The following ZNF469 variants were observed in gnomAD, a reference collection of about 807,000 sequenced individuals.
ZNF469 encodes the protein zinc finger protein 469.
A neutral mutation model predicts 1.0 loss-of-function variants in ZNF469; 1 was observed. The observed-to-expected ratio is 1.00, with a 90% CI of 0.35 to 4.73. ZNF469 has a LOEUF of 4.73. Among genes scored for constraint, ZNF469 ranks in the 30% most tolerant of loss-of-function variants. The pLI, the probability that ZNF469 is intolerant of heterozygous loss-of-function variation, is 0.16. For missense variants in ZNF469, 6,100 were observed against 5,356.3 expected (o/e 1.14, Z -4.33); for synonymous variants, 2,703 against 2,363.4 (o/e 1.14, Z -4.17).
chr16:88,122,262 CTG>C, the ZNF469 span, among the ~76,000 whole-genome samples: 26 of 150,780 alleles, frequency 1.7e-4, no homozygotes, highest in Non-Finnish European at 1.2e-4. Flanking sequence ...GGCAGCCACT[CTG>C]ATCACACCCC....
the ZNF469 span, among the ~76,000 whole-genome samples, chr16:88,329,310 G>A: frequency 6.6e-6 from 1 of 152,250 alleles, no homozygotes; most frequent in Non-Finnish European, 1.5e-5. Flanking sequence ...TGGAAGGAAA[G>A]GCCTGGGTTA....
Position 88,439,180 on chromosome 16 carries a change from C to G in ZNF469, c.11710C>G (p.Pro3904Ala). Residue 3904 changes from proline (P) to alanine (A), a missense_variant, in exon 3 of 3, where the codon CCC (proline) becomes GCC (alanine). Physicochemically the swap from Pro to Ala is conservative, Grantham distance 27. Transcript: ENST00000565624. Reference protein sequence around the residue: ...AFPQGRPLLRPPKRGTAVHGA... With the variant: ...AFPQGRPLLRAPKRGTAVHGA... ...CCCCCAGGGGAGACCCCTGCTCAGG[C>G]CCCCCAAGAGGGGCACAGCTGTCCA... 1 of 1,550,464 alleles carries G rather than the reference C, an allele frequency of 6.4e-7. No individual in the cohort carries two copies. Among genetic ancestry groups the G allele is most frequent in the Non-Finnish European group, 8.7e-7 (1 of 1,146,964 alleles).
At chr16:88,144,220 CG>C in the ZNF469 span, among the ~76,000 whole-genome samples, 1 of 152,090 alleles carries the variant, frequency 6.6e-6, no homozygotes, top group Non-Finnish European at 1.5e-5. Flanking sequence ...GTGGGGAGGG[CG>C]GGGGGCGTCT....
the ZNF469 span, among the ~76,000 whole-genome samples, chr16:88,346,481 C>A: frequency 2.0e-5 from 3 of 152,240 alleles, no homozygotes; most frequent in Non-Finnish European, 1.5e-5. Flanking sequence ...CAGAGCAAAC[C>A]CTACAGCAGG....
the ZNF469 span, among the ~76,000 whole-genome samples, chr16:88,257,533 T>A: frequency 6.6e-6 from 1 of 152,226 alleles, no homozygotes; most frequent in Non-Finnish European, 1.5e-5. Flanking sequence ...AGCTTATCAA[T>A]TATTTCTTTC....
chr16:88,123,267 T>G, the ZNF469 span, among the ~76,000 whole-genome samples: 12 of 152,212 alleles, frequency 7.9e-5, no homozygotes, highest in African/African-American at 2.7e-4. Context: ...CAGCATGCAC[T>G]GGCTGTGTGT....
At chr16:88,299,862 G>C in the ZNF469 span, among the ~76,000 whole-genome samples, 1 of 152,214 alleles carries the variant, frequency 6.6e-6, no homozygotes, top group Admixed American at 6.5e-5. Context: ...TCTGGCTGGA[G>C]TTTCCCTCTG....
the ZNF469 span, among the ~76,000 whole-genome samples, chr16:88,225,372 C>G: frequency 6.6e-6 from 1 of 152,218 alleles, no homozygotes. Flanking sequence ...CTGCTTATCC[C>G]AAAATCTTAT....
the ZNF469 span, among the ~76,000 whole-genome samples, chr16:88,200,490 C>G: frequency 6.6e-6 from 1 of 152,232 alleles, no homozygotes; most frequent in Non-Finnish European, 1.5e-5. Context: ...ACTCCAGCCC[C>G]TACGGTCTCT....
the ZNF469 span, among the ~76,000 whole-genome samples, chr16:88,366,756 A>C: frequency 3.3e-5 from 5 of 151,450 alleles, no homozygotes; most frequent in African/African-American, 4.9e-5. Context: ...CATCACTATC[A>C]CCATCATCAC....
At chr16:88,113,520 C>G in the ZNF469 span, among the ~76,000 whole-genome samples, 1 of 152,194 alleles carries the variant, frequency 6.6e-6, no homozygotes, top group Non-Finnish European at 1.5e-5. Context: ...CCTGTGGACG[C>G]AGGACGTGAG....
chr16:88,250,960 C>G, the ZNF469 span, among the ~76,000 whole-genome samples: 1 of 152,178 alleles, frequency 6.6e-6, no homozygotes, highest in Admixed American at 6.5e-5. Context: ...TCACTGCAAA[C>G]TCTGCCTCCC....
the ZNF469 span, among the ~76,000 whole-genome samples, chr16:88,268,812 G>A: frequency 4.6e-5 from 7 of 152,216 alleles, no homozygotes; most frequent in South Asian, 4.2e-4. Flanking sequence ...GAAGTACATC[G>A]AATGTTTTCT....
the ZNF469 span, among the ~76,000 whole-genome samples, chr16:88,315,639 G>A: frequency 1.3e-5 from 2 of 152,206 alleles, no homozygotes; most frequent in Non-Finnish European, 2.9e-5. Context: ...CCTAGTCCAG[G>A]GCTGGGGAAG....
chr16:88,290,009 A>G, the ZNF469 span, among the ~76,000 whole-genome samples: 1 of 152,220 alleles, frequency 6.6e-6, no homozygotes, highest in Non-Finnish European at 1.5e-5. Flanking sequence ...TCTGGGCACT[A>G]CTTGGGAAAG....
At chr16:88,413,143 G>A (rs769240550) in intron 1 of ZNF469, among the ~76,000 whole-genome samples, 15 of 152,204 alleles carry the variant, frequency 9.9e-5, no homozygotes, top group African/African-American at 2.9e-4. Flanking sequence ...ATAGTCGTGC[G>A]TAAAGCTAAT....
chr16:88,303,631 C>T, the ZNF469 span, among the ~76,000 whole-genome samples: 1 of 152,236 alleles, frequency 6.6e-6, no homozygotes. Context: ...CCTCCACCTT[C>T]CAGTGGGGCT....
At chr16:88,313,088 GTC>G in the ZNF469 span, among the ~76,000 whole-genome samples, 1 of 152,174 alleles carries the variant, frequency 6.6e-6, no homozygotes, top group African/African-American at 2.4e-5. Context: ...CAGTGTTAGG[GTC>G]TTCCCTTGAT....
chr16:88,307,661 C>G, the ZNF469 span, among the ~76,000 whole-genome samples: 18 of 152,330 alleles, frequency 1.2e-4, no homozygotes, highest in African/African-American at 3.8e-4. Flanking sequence ...AATATCTACT[C>G]AGACCCTTCA....
Sources: gnomAD v4.1 joint callset for allele counts (sites outside exome capture counted in the v4.1 genomes callset) on GRCh38, gnomAD v4.1.1 for gene constraint, MANE v1.5 for transcripts, NCBI Gene and HGNC (gene_info 2026-07-23, HGNC 2026-07-21) for gene names.